Variants in DCBLD2 observed in about 807,000 individuals in gnomAD.
DCBLD2 encodes the protein discoidin, CUB and LCCL domain containing 2.
A neutral mutation model predicts 86.8 loss-of-function variants in DCBLD2; 54 were observed. That is an observed-to-expected ratio of 0.62 (90% confidence interval 0.50 to 0.78). DCBLD2 has a LOEUF of 0.78. Among genes scored for constraint, DCBLD2 ranks in the 30% least tolerant of loss-of-function variants. DCBLD2 has a pLI of 0.00. For synonymous variants in DCBLD2, 354 were observed against 341.3 expected (o/e 1.04, Z -0.41); for missense variants, 908 against 954.2 (o/e 0.95, Z 0.64).
Position 98,861,255 on chromosome 3 carries a change from G to C in DCBLD2, c.434-11657C>G, listed in dbSNP as rs374752732. On this transcript the variant is annotated intron_variant, in intron 2 of 15. Coordinates refer to ENST00000326840, the MANE Select transcript of DCBLD2 (RefSeq NM_080927.4). ...CCTTAGAGATCTACAAGGAGACTTA[G>C]ACTCCCACACAATAATAATGGGAGA... 2.0e-4 allele frequency among the ~76,000 whole-genome samples: 31 copies of C among 152,204 alleles called. No individual in the cohort carries two copies. The South Asian group carries it at 6.0e-3, about 30-fold the overall frequency.
chr3:98,838,821 G>T (rs4618169), intron 3 of DCBLD2, among the ~76,000 whole-genome samples: 3 of 151,904 alleles, frequency 2.0e-5, no homozygotes, highest in South Asian at 2.1e-4. Context: ...GAGGTTGGCG[G>T]ATCACTCGCG....
At chr3:98,822,552 AAAT>A (rs1942143271) in intron 5 of DCBLD2, 114 bp downstream of exon 5, 1 of 1,258,688 alleles carries the variant, frequency 7.9e-7, no homozygotes, top group Admixed American at 2.9e-5. Context: ...TATGATTAAA[AAAT>A]GTCTTAAAAA....
At chr3:98,893,296 T>C (rs1249840762) in intron 1 of DCBLD2, among the ~76,000 whole-genome samples, 1 of 151,486 alleles carries the variant, frequency 6.6e-6, no homozygotes, top group Admixed American at 6.6e-5. Flanking sequence ...GAGTAGTAAC[T>C]GGATGTCAAG....
At chr3:98,839,175 TCTTTCTTCCTTC>T (rs796320829) in intron 3 of DCBLD2, among the ~76,000 whole-genome samples, 1,287 of 101,618 alleles carry the variant, frequency 0.013, 12 homozygotes, top group South Asian at 0.038. Context: ...TTCTTTCCTT[TCTTTCTTCCTTC>T]CTTCCTTCCT....
At chr3:98,812,931 T>C (rs1357536716) in intron 9 of DCBLD2, 3 of 153,066 alleles carry the variant, frequency 2.0e-5, no homozygotes, top group Non-Finnish European at 4.4e-5. Context: ...ATAATTTTTC[T>C]CTCAACAGGC....
intron 3 of DCBLD2, among the ~76,000 whole-genome samples, chr3:98,835,935 TTTC>T (rs1263994927): frequency 5.9e-5 from 2 of 34,106 alleles, no homozygotes; most frequent in African/African-American, 1.0e-4. Context: ...CCTTCCTTTC[TTTC>T]TTTTTTTTTT....
chr3:98,815,820 G>T (rs571268103), intron 9 of DCBLD2: 2 of 151,978 alleles, frequency 1.3e-5, no homozygotes, highest in South Asian at 4.1e-4. Flanking sequence ...TAGTGAACTT[G>T]AAGACAAAAC....
intron 8 of DCBLD2, 139 bp downstream of exon 8, chr3:98,819,063 A>G (rs745656865): frequency 4.3e-5 from 37 of 867,282 alleles, no homozygotes; most frequent in Middle Eastern, 3.6e-4. Flanking sequence ...CTCTAGTAAT[A>G]TTAACATCAG....
chr3:98,864,201 A>G (rs1287714766), intron 2 of DCBLD2, among the ~76,000 whole-genome samples: 1 of 152,222 alleles, frequency 6.6e-6, no homozygotes, highest in Non-Finnish European at 1.5e-5. Flanking sequence ...AAGTCAGGAA[A>G]TAACAGGTGC....
At position 98,884,458 on chromosome 3, in the gene DCBLD2, A is replaced by C. The variant is rs552704736; in HGVS notation, c.206-2691T>G. ...AAACTGGCATGAAAATACCTTGAATATCTCTGCTGGATATCAGCTAAATTA... is the reference window on the plus strand; with the variant it reads ...AAACTGGCATGAAAATACCTTGAATCTCTCTGCTGGATATCAGCTAAATTA... On this transcript the variant is annotated intron_variant, in intron 1 of 15. Coordinates refer to ENST00000326840, the MANE Select transcript of DCBLD2 (RefSeq NM_080927.4). Among the ~76,000 whole-genome samples, 3 of 152,072 alleles carry C rather than the reference A, an allele frequency of 2.0e-5. No individual in the cohort carries two copies. In the South Asian group the frequency reaches 6.2e-4, roughly 32 times the overall value.
At chr3:98,819,957 A>C (rs1942089069) in intron 7 of DCBLD2, among the ~76,000 whole-genome samples, 3 of 152,202 alleles carry the variant, frequency 2.0e-5, no homozygotes, top group Non-Finnish European at 4.4e-5. Context: ...CTGGCACATA[A>C]AGAGAAGGCA....
At chr3:98,839,082 T>G (rs1942554844) in intron 3 of DCBLD2, among the ~76,000 whole-genome samples, 2 of 152,224 alleles carry the variant, frequency 1.3e-5, no homozygotes, top group South Asian at 4.1e-4. Flanking sequence ...TCTGTGACCT[T>G]ACCCCCAACC....
At chr3:98,813,280 G>A (rs575035258) in intron 9 of DCBLD2, 2 of 152,300 alleles carry the variant, frequency 1.3e-5, no homozygotes, top group African/African-American at 4.8e-5. Context: ...ATTTAGAAAA[G>A]AGGTCTCGCT....
chr3:98,839,167 CTTTCCTTT>C (rs1196151567), intron 3 of DCBLD2, among the ~76,000 whole-genome samples: 101 of 78,970 alleles, frequency 1.3e-3, no homozygotes, highest in East Asian at 0.012. Context: ...TTCTTTCTTT[CTTTCCTTT>C]CTTTCTTCCT....
At chr3:98,894,095 T>C (rs2107532763) in intron 1 of DCBLD2, among the ~76,000 whole-genome samples, 1 of 152,296 alleles carries the variant, frequency 6.6e-6, no homozygotes, top group East Asian at 1.9e-4. Flanking sequence ...GTTGAGATGA[T>C]GGATTTGGGG....
At chr3:98,839,175 T>C (rs7373294) in intron 3 of DCBLD2, among the ~76,000 whole-genome samples, 3,267 of 101,522 alleles carry the variant, frequency 0.032, 58 homozygotes, top group African/African-American at 0.047. Flanking sequence ...TTCTTTCCTT[T>C]CTTTCTTCCT....
intron 13 of DCBLD2, among the ~76,000 whole-genome samples, chr3:98,802,840 T>C (rs1941755207): frequency 6.6e-6 from 1 of 152,230 alleles, no homozygotes. Context: ...GTCAGGTTTG[T>C]CAAAGATCAG....
chr3:98,817,629 T>C, intron 9 of DCBLD2, 140 bp downstream of exon 9: 3 of 739,652 alleles, frequency 4.1e-6, no homozygotes, highest in Non-Finnish European at 6.1e-6. Context: ...GTAAGGCCAA[T>C]AACACTACCT....
At chr3:98,899,217 T>G (rs1432884996) in intron 1 of DCBLD2, among the ~76,000 whole-genome samples, 2 of 151,588 alleles carry the variant, frequency 1.3e-5, no homozygotes, top group Non-Finnish European at 2.9e-5. Context: ...CCTTAAAAAA[T>G]GAAGTAATGT....
Sources: allele counts gnomAD v4.1 joint callset (sites outside exome capture counted in the v4.1 genomes callset), GRCh38; gene constraint gnomAD v4.1.1; transcripts MANE v1.5; gene names NCBI Gene and HGNC (gene_info 2026-07-23, HGNC 2026-07-21).